Variants in PDE11A observed in about 807,000 individuals in gnomAD.
The protein encoded by PDE11A is phosphodiesterase 11A, also known as dual 3',5'-cyclic-AMP and -GMP phosphodiesterase 11A.
A neutral mutation model predicts 100.5 loss-of-function variants in PDE11A; 100 were observed. The ratio of observed to expected loss-of-function variants is 1.00; its 90% CI spans 0.85 to 1.18. The LOEUF (loss-of-function observed/expected upper bound fraction) is 1.18, where lower values mean the gene tolerates loss of function less well. Among genes scored for constraint, PDE11A ranks in the 50% most tolerant of loss-of-function variants. PDE11A has a pLI of 0.00. For missense variants in PDE11A, 1,141 were observed against 1,152.6 expected (o/e 0.99, Z 0.15); for synonymous variants, 381 against 420.8 (o/e 0.91, Z 1.16).
chr2:177,771,926 C>T (rs553380090), intron 9 of PDE11A, among the ~76,000 whole-genome samples: 2 of 152,018 alleles, frequency 1.3e-5, no homozygotes, highest in South Asian at 4.2e-4. Flanking sequence ...CGCTTGAACC[C>T]GGGAGGCGGA....
At chr2:177,654,873 C>T (rs376476296) in intron 19 of PDE11A, among the ~76,000 whole-genome samples, 9 of 152,036 alleles carry the variant, frequency 5.9e-5, no homozygotes, top group East Asian at 3.9e-4. Flanking sequence ...CTACTTCTTC[C>T]GAAGAGAGAC....
At position 177,811,048 on chromosome 2, in the gene PDE11A, TTC is replaced by T. The variant is rs1389052139; in HGVS notation, c.1737+5779_1737+5780del. ...ACTTATATTTTCTGGCAAATTTCTC[TTC>T]AGTATTAGGTAAGGCTTCATTTGCA... On this transcript the variant is annotated intron_variant, in intron 9 of 19. Coordinates refer to ENST00000286063, the MANE Select transcript of PDE11A (RefSeq NM_016953.4). Among the ~76,000 whole-genome samples, 26 of 152,296 alleles carry T rather than the reference TTC, an allele frequency of 1.7e-4. 1 individual carries two copies. The East Asian group carries it at 4.6e-3, about 27-fold the overall frequency.
At chr2:177,757,747 G>C (rs1356236220) in intron 10 of PDE11A, among the ~76,000 whole-genome samples, 1 of 152,118 alleles carries the variant, frequency 6.6e-6, no homozygotes, top group East Asian at 1.9e-4. Flanking sequence ...TTCAGAGCCA[G>C]TATGAGGCCA....
At chr2:177,782,462 C>T (rs1468601345) in intron 9 of PDE11A, among the ~76,000 whole-genome samples, 2 of 152,240 alleles carry the variant, frequency 1.3e-5, no homozygotes, top group East Asian at 1.9e-4. Flanking sequence ...TCAACTGAAG[C>T]TTCCTTGTCT....
intron 2 of PDE11A, among the ~76,000 whole-genome samples, chr2:178,102,534 A>G (rs2087572678): frequency 6.7e-6 from 1 of 149,460 alleles, no homozygotes; most frequent in Non-Finnish European, 1.5e-5. Flanking sequence ...TTGGCTTCCC[A>G]AAGTACAGGG....
chr2:177,952,862 T>C (rs1364150407), intron 2 of PDE11A, among the ~76,000 whole-genome samples: 2 of 152,212 alleles, frequency 1.3e-5, no homozygotes, highest in African/African-American at 4.8e-5. Context: ...TGTGATTCCC[T>C]GACAGGCAAT....
chr2:177,863,700 G>A (rs2083982203), intron 5 of PDE11A, among the ~76,000 whole-genome samples: 1 of 114,056 alleles, frequency 8.8e-6, no homozygotes, highest in Admixed American at 1.1e-4. Context: ...ACAAATGTTG[G>A]TGAGGTTGTG....
rs550572593 is a variant in PDE11A, at chr2:178,039,673, T to A, written c.913-25213A>T. On this transcript the variant is annotated intron_variant, in intron 1 of 19. Coordinates refer to ENST00000286063, the MANE Select transcript of PDE11A (RefSeq NM_016953.4). ...AAAGCAAAAAATAAAAATAAATAAA[T>A]AAAAATAAAATAAAATAAAATAACT... Among the ~76,000 whole-genome samples the A allele has an allele frequency of 9.3e-5, 14 of 151,086 alleles. No homozygotes were observed. The East Asian group carries it at 2.5e-3, about 27-fold the overall frequency.
chr2:178,037,952 T>G (rs1346772011), intron 1 of PDE11A, among the ~76,000 whole-genome samples: 1 of 152,018 alleles, frequency 6.6e-6, no homozygotes, highest in East Asian at 1.9e-4. Flanking sequence ...GACGGGTTGA[T>G]AGGTGCAGCA....
intron 6 of PDE11A, among the ~76,000 whole-genome samples, chr2:177,834,459 T>C (rs1182649616): frequency 6.6e-6 from 1 of 152,216 alleles, no homozygotes; most frequent in African/African-American, 2.4e-5. Context: ...TCTTTTCTTT[T>C]ACAATATTAG....
At chr2:177,870,549 C>A (rs1015015436) in intron 5 of PDE11A, among the ~76,000 whole-genome samples, 5 of 152,188 alleles carry the variant, frequency 3.3e-5, no homozygotes, top group East Asian at 1.9e-4. Flanking sequence ...AGAAAAAGTG[C>A]CTTAAAATCA....
chr2:177,965,899 T>C (rs2105793030), intron 2 of PDE11A, among the ~76,000 whole-genome samples: 1 of 152,340 alleles, frequency 6.6e-6, no homozygotes, highest in African/African-American at 2.4e-5. Flanking sequence ...GTGAAAAATG[T>C]AATTGGTAGT....
At chr2:177,922,472 C>A (rs547836813) in intron 2 of PDE11A, among the ~76,000 whole-genome samples, 43 of 151,992 alleles carry the variant, frequency 2.8e-4, no homozygotes, top group African/African-American at 7.2e-4. Context: ...ATAACAACAA[C>A]AAAAAATAAT....
In PDE11A at chr2:177,715,884, A is replaced by G. The variant is rs146835500; in HGVS notation, c.2044-4006T>C. ...CATTCTTAAGAGTAAAGCATCACAA[A>G]ACTCACTGTGCACCAGTGTATGTGG... On this transcript the variant is annotated intron_variant, in intron 12 of 19. Coordinates refer to ENST00000286063, the MANE Select transcript of PDE11A (RefSeq NM_016953.4). 3.9e-5 allele frequency among the ~76,000 whole-genome samples: 6 copies of G among 152,302 alleles called. No homozygotes were observed. In the East Asian group the frequency reaches 1.2e-3, roughly 29 times the overall value.
intron 6 of PDE11A, among the ~76,000 whole-genome samples, chr2:177,833,150 T>G (rs757086406): frequency 6.6e-6 from 1 of 152,134 alleles, no homozygotes; most frequent in Non-Finnish European, 1.5e-5. Flanking sequence ...TTGCCACCAC[T>G]AACACAGCCA....
chr2:177,637,995 A>ATTTTTTTTTTTTT (rs1303030999), intron 19 of PDE11A, among the ~76,000 whole-genome samples: 1 of 54,138 alleles, frequency 1.8e-5, no homozygotes, highest in Non-Finnish European at 4.0e-5. Context: ...ATATATATAT[A>ATTTTTTTTTTTTT]TATTTTTTTT....
chr2:177,887,300 T>C (rs764498673), intron 4 of PDE11A, among the ~76,000 whole-genome samples: 30 of 152,200 alleles, frequency 2.0e-4, no homozygotes, highest in South Asian at 4.1e-4. Context: ...GGACAAAAAA[T>C]ACTGAAGAAT....
At chr2:177,881,895 G>C (rs187601662) in intron 4 of PDE11A, among the ~76,000 whole-genome samples, 44 of 152,180 alleles carry the variant, frequency 2.9e-4, no homozygotes, top group African/African-American at 1.1e-3. Context: ...GCCATTTCTA[G>C]GCCAGATCAG....
intron 9 of PDE11A, among the ~76,000 whole-genome samples, chr2:177,789,906 A>G (rs2082602866): frequency 6.6e-6 from 1 of 151,816 alleles, no homozygotes; most frequent in Non-Finnish European, 1.5e-5. Flanking sequence ...AAACAAATGG[A>G]AGAACATTCC....
Sources: allele counts gnomAD v4.1 joint callset (sites outside exome capture counted in the v4.1 genomes callset), GRCh38; gene constraint gnomAD v4.1.1; transcripts MANE v1.5; gene names NCBI Gene and HGNC (gene_info 2026-07-23, HGNC 2026-07-21).